Variants in CNTNAP2 observed in about 807,000 individuals in gnomAD.
CNTNAP2 encodes the protein contactin-associated protein-like 2.
In CNTNAP2, 98 loss-of-function variants were observed where a neutral mutation model predicts 155.2. The observed-to-expected ratio is 0.63, with a 90% CI of 0.54 to 0.75. CNTNAP2 has a LOEUF of 0.75. Among genes scored for constraint, CNTNAP2 ranks in the 30% least tolerant of loss-of-function variants. The probability of loss-of-function intolerance (pLI) is 0.00; values close to 1 mark genes in which losing one functional copy is unlikely to be tolerated. For synonymous variants in CNTNAP2, 651 were observed against 631.2 expected (o/e 1.03, Z -0.47); for missense variants, 1,727 against 1,688.1 (o/e 1.02, Z -0.40).
chr7:147,069,305 A>G lies in CNTNAP2; in HGVS notation c.550+25251A>G, dbSNP rs530580480. ...TTTCTTCAGTGAATCCCTGGCTGATATAGGACCTTAATTACATATACTAAA... is the reference window on the plus strand; with the variant it reads ...TTTCTTCAGTGAATCCCTGGCTGATGTAGGACCTTAATTACATATACTAAA... On this transcript the variant is annotated intron_variant, in intron 4 of 23. Transcript: ENST00000361727. 8.5e-5 allele frequency among the ~76,000 whole-genome samples: 13 copies of G among 152,308 alleles called. No individual in the cohort carries two copies. In the South Asian group the frequency reaches 2.7e-3, roughly 32 times the overall value.
At chr7:147,232,522 T>C (rs568121586) in intron 8 of CNTNAP2, among the ~76,000 whole-genome samples, 87 of 152,216 alleles carry the variant, frequency 5.7e-4, no homozygotes, top group South Asian at 3.1e-3. Flanking sequence ...AGCCTAGAAA[T>C]AAATTTACAC....
chr7:147,058,597 G>GTTTGT (rs1799606188), intron 4 of CNTNAP2, among the ~76,000 whole-genome samples: 1 of 147,600 alleles, frequency 6.8e-6, no homozygotes, highest in African/African-American at 2.4e-5. Context: ...TTTTTTGTTC[G>GTTTGT]TTTGTTTTGT....
intron 1 of CNTNAP2, among the ~76,000 whole-genome samples, chr7:146,555,917 A>G (rs541101024): frequency 3.3e-5 from 5 of 152,326 alleles, no homozygotes; most frequent in East Asian, 1.9e-4. Flanking sequence ...ACAAAGATTA[A>G]GTGATTAATG....
At chr7:148,313,569 G>GTGAACTGCA (rs895238856) in intron 21 of CNTNAP2, among the ~76,000 whole-genome samples, 1 of 152,022 alleles carries the variant, frequency 6.6e-6, no homozygotes, top group African/African-American at 2.4e-5. Flanking sequence ...CAGTTCAGGC[G>GTGAACTGCA]TTTGGAGTTC....
intron 1 of CNTNAP2, among the ~76,000 whole-genome samples, chr7:146,308,820 C>T (rs1174970367): frequency 2.6e-5 from 4 of 151,732 alleles, no homozygotes; most frequent in African/African-American, 9.7e-5. Context: ...CATACCGGGG[C>T]CTGTTGTAGG....
At chr7:147,562,722 T>G (rs995465160) in intron 12 of CNTNAP2, among the ~76,000 whole-genome samples, 10 of 152,216 alleles carry the variant, frequency 6.6e-5, no homozygotes, top group Admixed American at 1.3e-4. Flanking sequence ...AAAAATTACC[T>G]GAAGCTTTTA....
intron 9 of CNTNAP2, among the ~76,000 whole-genome samples, chr7:147,381,713 C>T (rs1796540201): frequency 6.6e-6 from 1 of 152,056 alleles, no homozygotes; most frequent in African/African-American, 2.4e-5. Flanking sequence ...TAGTCTGCTT[C>T]TCTAATTTCT....
At chr7:147,390,304 T>C (rs1472416211) in intron 9 of CNTNAP2, among the ~76,000 whole-genome samples, 2 of 152,214 alleles carry the variant, frequency 1.3e-5, no homozygotes, top group East Asian at 3.8e-4. Context: ...GATGTGTTTG[T>C]TATACTTTGT....
chr7:148,408,902 A>G (rs768858448), intron 22 of CNTNAP2, among the ~76,000 whole-genome samples: 5 of 152,214 alleles, frequency 3.3e-5, no homozygotes, highest in Non-Finnish European at 7.3e-5. Context: ...ACAAATTCCT[A>G]AAGTGTGCCA....
chr7:148,266,433 C>T (rs10278113), intron 20 of CNTNAP2, among the ~76,000 whole-genome samples: 15 of 152,078 alleles, frequency 9.9e-5, no homozygotes, highest in Non-Finnish European at 1.8e-4. Flanking sequence ...GGATCAGAAA[C>T]GTGCGTCGCT....
intron 3 of CNTNAP2, among the ~76,000 whole-genome samples, chr7:146,935,440 C>T (rs1415599114): frequency 6.6e-6 from 1 of 152,168 alleles, no homozygotes; most frequent in Non-Finnish European, 1.5e-5. Flanking sequence ...CAGTCAGAAA[C>T]AGAACTTTGG....
intron 22 of CNTNAP2, among the ~76,000 whole-genome samples, chr7:148,406,484 C>T (rs778765003): frequency 1.3e-5 from 2 of 152,164 alleles, no homozygotes; most frequent in Non-Finnish European, 2.9e-5. Flanking sequence ...CAACCCAAGC[C>T]AAACTGTCTG....
intron 9 of CNTNAP2, among the ~76,000 whole-genome samples, chr7:147,332,903 CTATT>C (rs935293745): frequency 3.9e-5 from 6 of 152,114 alleles, no homozygotes; most frequent in African/African-American, 1.2e-4. Context: ...GGGTTGGTTT[CTATT>C]TATTTATATA....
chr7:147,324,747 C>T (rs1179511858), intron 9 of CNTNAP2, among the ~76,000 whole-genome samples: 1 of 148,638 alleles, frequency 6.7e-6, no homozygotes, highest in African/African-American at 2.5e-5. Flanking sequence ...TTTTAAACTA[C>T]TTGTTTAATG....
chr7:148,335,916 T>C (rs73468010), intron 21 of CNTNAP2, among the ~76,000 whole-genome samples: 2,873 of 152,252 alleles, frequency 0.019, 90 homozygotes, highest in African/African-American at 0.066. Flanking sequence ...GAAATTCCCA[T>C]ATCTTTCATG....
intron 12 of CNTNAP2, among the ~76,000 whole-genome samples, chr7:147,616,817 G>T (rs367665539): frequency 6.6e-6 from 1 of 151,956 alleles, no homozygotes; most frequent in East Asian, 1.9e-4. Context: ...GCTCATTGCC[G>T]TACCTCTAGA....
intron 13 of CNTNAP2, among the ~76,000 whole-genome samples, chr7:147,774,595 G>C (rs1797529050): frequency 6.6e-6 from 1 of 152,090 alleles, no homozygotes; most frequent in African/African-American, 2.4e-5. Context: ...TGATCTGCTA[G>C]GATTAGTCCT....
intron 1 of CNTNAP2, among the ~76,000 whole-genome samples, chr7:146,411,846 A>ATTATTTTT (rs1554429874): frequency 1.6e-4 from 14 of 85,178 alleles, no homozygotes; most frequent in African/African-American, 4.6e-4. Flanking sequence ...TTATTTATTT[A>ATTATTTTT]TTTTATTTGA....
intron 14 of CNTNAP2, among the ~76,000 whole-genome samples, chr7:147,969,522 AC>A (rs1013471799): frequency 3.9e-5 from 6 of 152,014 alleles, no homozygotes; most frequent in Non-Finnish European, 8.8e-5. Flanking sequence ...CCTCCCATAA[AC>A]CCTGTATGAC....
Sources: allele counts gnomAD v4.1 joint callset (sites outside exome capture counted in the v4.1 genomes callset), GRCh38; gene constraint gnomAD v4.1.1; transcripts MANE v1.5; gene names NCBI Gene and HGNC (gene_info 2026-07-23, HGNC 2026-07-21).